The following JAKMIP3 variants were observed in gnomAD, a reference collection of about 807,000 sequenced individuals.
The protein encoded by JAKMIP3 is janus kinase and microtubule-interacting protein 3.
A neutral mutation model predicts 118.5 loss-of-function variants in JAKMIP3; 58 were observed. That is an observed-to-expected ratio of 0.49 (90% CI 0.40 to 0.61). The LOEUF (loss-of-function observed/expected upper bound fraction) is 0.61. Among genes scored for constraint, JAKMIP3 ranks in the 20% least tolerant of loss-of-function variants. JAKMIP3 has a pLI of 0.00. For synonymous variants in JAKMIP3, 486 were observed against 451.2 expected, an observed-to-expected ratio of 1.08 and a Z score of -0.98; for missense variants, 950 against 1,109.0, an observed-to-expected ratio of 0.86 and a Z score of 2.04.
At chr10:132,165,419 T>C (rs2058796107) in intron 21 of JAKMIP3, among the ~76,000 whole-genome samples, 1 of 152,142 alleles carries the variant, frequency 6.6e-6, no homozygotes, top group Admixed American at 6.5e-5. Context: ...GTTCACTCCA[T>C]TGTGATTGGT....
intron 19 of JAKMIP3, among the ~76,000 whole-genome samples, chr10:132,161,024 G>A: frequency 1.3e-5 from 1 of 78,914 alleles, no homozygotes; most frequent in African/African-American, 5.3e-5. Context: ...TGTGATGCTG[G>A]GGGGGCCTCT....
intron 2 of JAKMIP3, among the ~76,000 whole-genome samples, chr10:132,110,079 G>A (rs867094255): frequency 6.6e-5 from 10 of 152,220 alleles, no homozygotes; most frequent in South Asian, 2.1e-4. Context: ...AGAAGCACCC[G>A]TGGGGGAGAA....
intron 19 of JAKMIP3, 61 bp downstream of exon 19, chr10:132,154,051 GCTCAGGTGCCCAGCAGTGC>G (rs1470649627): frequency 3.3e-6 from 5 of 1,513,844 alleles, no homozygotes; most frequent in Admixed American, 1.7e-5. Context: ...CGGCCACGTG[GCTCAGGTGCCCAGCAGTGC>G]CTCAGGTGCC....
rs1282156847 is a variant in JAKMIP3, at chr10:132,180,558, CGT to C, written c.*1104-1791_*1104-1790del. 5.2e-4 allele frequency among the ~76,000 whole-genome samples: 13 copies of C among 25,004 alleles called. 4 individuals carry two copies. Among genetic ancestry groups the C allele is most frequent in the East Asian group, 2.6e-3 (1 of 388 alleles). The allele number at this position is 25,004 out of a possible 152,430, so 16.4% of individuals were successfully genotyped here. On this transcript the variant is annotated intron_variant, in intron 23 of 23. Transcript: ENST00000684848. ...GTGTGTGTGTGTGCGTGCGTGCATG[CGT>C]GTGTGTGCGTGTGTGTGTGCGTGCG... is the stretch of plus-strand genomic sequence containing the variant.
intron 19 of JAKMIP3, among the ~76,000 whole-genome samples, chr10:132,160,034 C>T (rs4880240): frequency 5.6e-5 from 1 of 17,898 alleles, no homozygotes; most frequent in Non-Finnish European, 9.7e-5. Flanking sequence ...GCTGGGGAGC[C>T]TCTTCCTGTG....
At chr10:132,057,754 G>A (rs1254350635) in intron 1 of JAKMIP3, among the ~76,000 whole-genome samples, 1 of 152,212 alleles carries the variant, frequency 6.6e-6, no homozygotes, top group African/African-American at 2.4e-5. Context: ...AGGCAGCTGG[G>A]TCCTGTGTCA....
chr10:132,078,679 C>T (rs1343321245), intron 1 of JAKMIP3, among the ~76,000 whole-genome samples: 7 of 152,022 alleles, frequency 4.6e-5, no homozygotes, highest in Non-Finnish European at 7.4e-5. Context: ...GTAGCTACTC[C>T]TGAGGTTTTG....
At chr10:132,148,759 G>A (rs531608844) in intron 14 of JAKMIP3, among the ~76,000 whole-genome samples, 3 of 152,348 alleles carry the variant, frequency 2.0e-5, no homozygotes, top group Admixed American at 6.5e-5. Context: ...GGGCAGCCAC[G>A]TCGCTGTGAT....
intron 23 of JAKMIP3, among the ~76,000 whole-genome samples, chr10:132,180,724 T>C (rs28449693): frequency 0.012 from 221 of 19,098 alleles, 42 homozygotes; most frequent in East Asian, 0.027. Flanking sequence ...TGTGTGCGTG[T>C]GTGTGCGTGT....
intron 1 of JAKMIP3, among the ~76,000 whole-genome samples, chr10:132,048,097 A>AT (rs944225149): frequency 2.0e-5 from 3 of 152,332 alleles, no homozygotes; most frequent in African/African-American, 7.2e-5. Flanking sequence ...TTTGGTAGGA[A>AT]TAGCATGGAT....
chr10:132,058,548 C>T (rs1390736185), intron 1 of JAKMIP3, among the ~76,000 whole-genome samples: 1 of 152,240 alleles, frequency 6.6e-6, no homozygotes, highest in Non-Finnish European at 1.5e-5. Flanking sequence ...CCGGAGGCCG[C>T]TCCCCTGGGC....
chr10:132,165,734 G>A (rs2058831218), intron 21 of JAKMIP3, among the ~76,000 whole-genome samples: 1 of 152,234 alleles, frequency 6.6e-6, no homozygotes, highest in Non-Finnish European at 1.5e-5. Context: ...ATCCACCCTA[G>A]CCCTGCCCCG....
chr10:132,097,649 T>C (rs925162095), intron 1 of JAKMIP3, among the ~76,000 whole-genome samples: 2 of 151,988 alleles, frequency 1.3e-5, no homozygotes, highest in African/African-American at 4.8e-5. Context: ...CCCGCTGTTT[T>C]CCAAGATGTT....
intron 19 of JAKMIP3, among the ~76,000 whole-genome samples, chr10:132,159,782 C>G (rs1026974633): frequency 2.4e-4 from 8 of 32,834 alleles, no homozygotes; most frequent in Admixed American, 5.6e-4. Flanking sequence ...GGGGTCTCTT[C>G]CTGTGTGATG....
chr10:132,121,620 C>G (rs1484535764), intron 3 of JAKMIP3, among the ~76,000 whole-genome samples: 1 of 152,186 alleles, frequency 6.6e-6, no homozygotes, highest in Non-Finnish European at 1.5e-5. Flanking sequence ...ATGGCCTCCA[C>G]CCCCAGGTGT....
intron 23 of JAKMIP3, chr10:132,181,245 A>G (rs894896257): frequency 6.6e-6 from 1 of 152,216 alleles, no homozygotes; most frequent in Non-Finnish European, 1.5e-5. Flanking sequence ...TGTTCCTTTA[A>G]TTTGGGGAGT....
At chr10:132,149,533 AC>A in intron 15 of JAKMIP3, 23 bp downstream of exon 15, 1 of 876,746 alleles carries the variant, frequency 1.1e-6, no homozygotes, top group Non-Finnish European at 1.4e-6. Flanking sequence ...CCTCCTGCCC[AC>A]TCCGCCCCCA....
intron 1 of JAKMIP3, among the ~76,000 whole-genome samples, chr10:132,093,931 A>ATTTTTTTT (rs35838926): frequency 2.9e-5 from 3 of 103,620 alleles, no homozygotes; most frequent in African/African-American, 8.1e-5. Context: ...TCTTGTATCT[A>ATTTTTTTT]TTTTTTTTTT....
At chr10:132,173,930 ATGG>A (rs58345080) in intron 23 of JAKMIP3, among the ~76,000 whole-genome samples, 5,283 of 28,714 alleles carry the variant, frequency 0.18, 1,698 homozygotes, top group East Asian at 0.86. Flanking sequence ...TGGTATGTTC[ATGG>A]TGGTGTGTGT....
Sources: gnomAD v4.1 joint callset for allele counts (sites outside exome capture counted in the v4.1 genomes callset) on GRCh38, gnomAD v4.1.1 for gene constraint, MANE v1.5 for transcripts, NCBI Gene and HGNC (gene_info 2026-07-23, HGNC 2026-07-21) for gene names.